The following CAMK1D variants were observed in gnomAD, a reference collection of about 807,000 sequenced individuals.
CAMK1D encodes the protein calcium/calmodulin dependent protein kinase ID.
A neutral mutation model predicts 47.7 loss-of-function variants in CAMK1D; 9 were observed. The ratio of observed to expected loss-of-function variants is 0.19; its 90% CI spans 0.11 to 0.33. The LOEUF is 0.33. Ranked by LOEUF, CAMK1D falls within the 10% of genes least tolerant of loss-of-function variation. CAMK1D has a pLI of 1.00. For synonymous variants in CAMK1D, 184 were observed against 184.9 expected (o/e 0.99, Z 0.04); for missense variants, 291 against 488.7 (o/e 0.60, Z 3.81).
At chr10:12,782,474 C>T (rs565622580) in intron 5 of CAMK1D, among the ~76,000 whole-genome samples, 60 of 152,268 alleles carry the variant, frequency 3.9e-4, no homozygotes, top group Middle Eastern at 6.8e-3. Flanking sequence ...TCTTTAAGTT[C>T]TGTTTAGCAT....
chr10:12,520,098 G>A (rs1835357593), intron 1 of CAMK1D, among the ~76,000 whole-genome samples: 1 of 83,846 alleles, frequency 1.2e-5, no homozygotes, highest in Non-Finnish European at 2.5e-5. Flanking sequence ...CCCGGACGGG[G>A]TGGCTGCCGG....
At chr10:12,495,899 C>T (rs1183479708) in intron 1 of CAMK1D, among the ~76,000 whole-genome samples, 2 of 152,194 alleles carry the variant, frequency 1.3e-5, no homozygotes, top group Non-Finnish European at 2.9e-5. Flanking sequence ...ACTATCTCAG[C>T]TCACTACGAC....
chr10:12,708,997 C>T (rs1450622981), intron 3 of CAMK1D, among the ~76,000 whole-genome samples: 1 of 152,216 alleles, frequency 6.6e-6, no homozygotes, highest in Non-Finnish European at 1.5e-5. Flanking sequence ...GGAGCAGGCA[C>T]CCATGCCCTG....
intron 6 of CAMK1D, among the ~76,000 whole-genome samples, chr10:12,804,989 G>A (rs1252802153): frequency 2.7e-5 from 4 of 149,308 alleles, no homozygotes; most frequent in Admixed American, 1.3e-4. Flanking sequence ...GGCCGGGCGC[G>A]GTGGCTCACG....
chr10:12,773,258 A>G (rs926460161), intron 5 of CAMK1D, among the ~76,000 whole-genome samples: 2 of 152,114 alleles, frequency 1.3e-5, no homozygotes, highest in African/African-American at 4.8e-5. Flanking sequence ...GCATGCATTT[A>G]TTGAGTTCCT....
At chr10:12,507,301 T>A (rs145015693) in intron 1 of CAMK1D, among the ~76,000 whole-genome samples, 382 of 152,328 alleles carry the variant, frequency 2.5e-3, no homozygotes, top group Non-Finnish European at 4.9e-3. Flanking sequence ...AGTAGGTTTC[T>A]TATATAAGCT....
In CAMK1D at chr10:12,616,048, CGT is replaced by C. The variant is rs1284988508; in HGVS notation, c.225-50685_225-50684del. Among the ~76,000 whole-genome samples the C allele has an allele frequency of 6.0e-5, 9 of 149,162 alleles. No individual in the cohort carries two copies. The East Asian group carries it at 1.8e-3, about 29-fold the overall frequency. On this transcript the variant is annotated intron_variant, in intron 2 of 10. Transcript: ENST00000619168. ...CTGTGTGTGTGGGTGTGTGAGTGCA[CGT>C]GTTGGTTTATGATAGGCGTGTTTGT...
Position 12,824,525 on chromosome 10 carries a change from G to C in CAMK1D, c.894G>C (p.Arg298=). ...ACGAGTCCGTCAGCGCCCAGATCCG[G>C]AAAAACTTTGCCAAGAGCAAATGGA... ...NIHESVSAQI[R]KNFAKSKWRQ... The change falls in exon 9 of 11, where the codon CGG becomes CGC. Residue 298 remains arginine (R), a synonymous_variant. Transcript: ENST00000619168. 6.2e-7 allele frequency: 1 copy of C among 1,614,122 alleles called. No homozygotes were observed.
At chr10:12,736,687 CT>C (rs1244278030) in intron 3 of CAMK1D, among the ~76,000 whole-genome samples, 5 of 141,714 alleles carry the variant, frequency 3.5e-5, no homozygotes, top group Middle Eastern at 3.4e-3. Context: ...TGCTTCCAAA[CT>C]TTTTTTCTTC....
intron 5 of CAMK1D, among the ~76,000 whole-genome samples, chr10:12,784,404 G>A (rs963150886): frequency 6.6e-6 from 1 of 152,050 alleles, no homozygotes; most frequent in Non-Finnish European, 1.5e-5. Flanking sequence ...CACCTTGTTG[G>A]TCAGGCTGGT....
chr10:12,792,289 TG>T (rs1228394528), intron 6 of CAMK1D, among the ~76,000 whole-genome samples: 3 of 117,230 alleles, frequency 2.6e-5, no homozygotes. Flanking sequence ...TCATCAGTTT[TG>T]TTTCTTATTT....
chr10:12,566,683 C>T (rs1431627717), intron 2 of CAMK1D, among the ~76,000 whole-genome samples: 1 of 152,180 alleles, frequency 6.6e-6, no homozygotes, highest in Non-Finnish European at 1.5e-5. Flanking sequence ...CCTTCGAATT[C>T]AGAACTCTTT....
intron 2 of CAMK1D, among the ~76,000 whole-genome samples, chr10:12,622,366 C>G (rs546989960): frequency 6.6e-6 from 1 of 152,096 alleles, no homozygotes; most frequent in South Asian, 2.1e-4. Flanking sequence ...TGGTCTGAGC[C>G]CATTGGTGTT....
intron 1 of CAMK1D, among the ~76,000 whole-genome samples, chr10:12,483,071 A>G (rs1262548216): frequency 6.6e-6 from 1 of 151,988 alleles, no homozygotes; most frequent in Non-Finnish European, 1.5e-5. Flanking sequence ...CTCTCATTCT[A>G]ATGCCCAGCT....
chr10:12,494,538 C>T (rs1044082547), intron 1 of CAMK1D, among the ~76,000 whole-genome samples: 1 of 152,106 alleles, frequency 6.6e-6, no homozygotes, highest in African/African-American at 2.4e-5. Flanking sequence ...GTGTCCATTT[C>T]CTATTTGCTT....
At chr10:12,736,291 C>T (rs747272391) in intron 3 of CAMK1D, among the ~76,000 whole-genome samples, 3 of 152,176 alleles carry the variant, frequency 2.0e-5, no homozygotes, top group Non-Finnish European at 4.4e-5. Flanking sequence ...CCACCACCTT[C>T]CCCTCGGCGT....
intron 5 of CAMK1D, among the ~76,000 whole-genome samples, chr10:12,771,743 C>G (rs1837048510): frequency 6.6e-6 from 1 of 152,128 alleles, no homozygotes; most frequent in Non-Finnish European, 1.5e-5. Context: ...TTTGAAAGGT[C>G]CAGTGCATGG....
intron 1 of CAMK1D, among the ~76,000 whole-genome samples, chr10:12,417,526 C>A (rs1297665178): frequency 6.6e-6 from 1 of 152,184 alleles, no homozygotes; most frequent in Admixed American, 6.5e-5. Context: ...CAGAGGGCAG[C>A]CTCTGGGGCT....
At chr10:12,687,758 A>T (rs75093290) in intron 3 of CAMK1D, among the ~76,000 whole-genome samples, 1 of 152,318 alleles carries the variant, frequency 6.6e-6, no homozygotes, top group African/African-American at 2.4e-5. Flanking sequence ...AAAAGAGGGG[A>T]TGCTGAAGTT....
Sources: allele counts gnomAD v4.1 joint callset (sites outside exome capture counted in the v4.1 genomes callset), GRCh38; gene constraint gnomAD v4.1.1; transcripts MANE v1.5; gene names NCBI Gene and HGNC (gene_info 2026-07-23, HGNC 2026-07-21).